NFIB: variants seen among roughly 807,000 people sequenced by gnomAD.
NFIB encodes the protein nuclear factor 1 B-type.
NFIB carries 11 observed loss-of-function variants against 61.5 expected under a neutral mutation model. The observed-to-expected ratio is 0.18, with a 90% CI of 0.11 to 0.30. The LOEUF (loss-of-function observed/expected upper bound fraction) is 0.30, where lower values mean the gene tolerates loss of function less well. NFIB is among the 10% of genes least tolerant of loss of function. The probability of loss-of-function intolerance (pLI) is 1.00; values close to 1 mark genes in which losing one functional copy is unlikely to be tolerated. For synonymous variants in NFIB, 260 were observed against 216.5 expected, an observed-to-expected ratio of 1.20 and a Z score of -1.76; for missense variants, 471 against 608.9, an observed-to-expected ratio of 0.77 and a Z score of 2.38.
chr9:14,100,620 A>G (rs924119791), intron 10 of NFIB, among the ~76,000 whole-genome samples: 7 of 152,166 alleles, frequency 4.6e-5, no homozygotes, highest in Non-Finnish European at 8.8e-5. Flanking sequence ...TGAGGCAGGC[A>G]GGAGAATGGC....
At chr9:14,469,021 G>C in the NFIB span, among the ~76,000 whole-genome samples, 1 of 152,148 alleles carries the variant, frequency 6.6e-6, no homozygotes, top group Non-Finnish European at 1.5e-5. Context: ...GGGACAGGCA[G>C]GCAGGCACAA....
At chr9:14,119,415 G>C (rs544773143) in intron 8 of NFIB, among the ~76,000 whole-genome samples, 1 of 152,014 alleles carries the variant, frequency 6.6e-6, no homozygotes, top group South Asian at 2.1e-4. Context: ...TAACCCAAAG[G>C]GTCCTGGATG....
At chr9:14,465,754 C>G in the NFIB span, among the ~76,000 whole-genome samples, 1 of 152,128 alleles carries the variant, frequency 6.6e-6, no homozygotes, top group Non-Finnish European at 1.5e-5. Flanking sequence ...TTCTGCCACT[C>G]TACTGCAGGG....
intron 1 of NFIB, among the ~76,000 whole-genome samples, chr9:14,367,766 G>A (rs10961488): frequency 0.018 from 2,732 of 152,168 alleles, 95 homozygotes; most frequent in African/African-American, 0.062. Flanking sequence ...ATTCTCAGCA[G>A]ACTAACACAG....
At chr9:14,133,898 G>A (rs1377198696) in intron 6 of NFIB, among the ~76,000 whole-genome samples, 1 of 149,254 alleles carries the variant, frequency 6.7e-6, no homozygotes, top group African/African-American at 2.5e-5. Flanking sequence ...ACTGATGATG[G>A]GTGAGGGTGT....
At position 14,313,950 on chromosome 9, in the gene NFIB, AG is replaced by A. The variant is rs2060413841; in HGVS notation, c.-440del. On this transcript the variant is annotated 5_prime_UTR_variant, in exon 1 of 11. Transcript: ENST00000380953. The surrounding 1 kb of genome is among the most constrained non-coding windows in gnomAD (Gnocchi z 4.5). ...AAATGCTTTTTCAAAAAAGGCGGGG[AG>A]GGGGGCGCGGGAGGGCGCAGGAGGG... 5.3e-6 allele frequency: 4 copies of A among 759,180 alleles called. No homozygotes were observed. Among genetic ancestry groups the A allele is most frequent in the Non-Finnish European group, 5.8e-6 (4 of 691,672 alleles). The allele number at this position is 759,180 out of a possible 1,614,324, so 47.0% of individuals were successfully genotyped here. A position where few individuals can be genotyped will look rare whatever the true frequency, so the allele number is the denominator to read the frequency against.
chr9:14,223,292 G>C (rs1254954505), intron 2 of NFIB, among the ~76,000 whole-genome samples: 1 of 152,136 alleles, frequency 6.6e-6, no homozygotes, highest in African/African-American at 2.4e-5. Context: ...GCAGGTCACT[G>C]AGCTGATCTA....
chr9:14,398,898 T>C (rs958721366), exon 1 of NFIB: 2 of 357,336 alleles, frequency 5.6e-6, no homozygotes, highest in African/African-American at 4.2e-5. Context: ...CATGTGAATC[T>C]TTTAGATCGG....
the NFIB span, among the ~76,000 whole-genome samples, chr9:14,473,550 C>G: frequency 1.8e-4 from 28 of 152,302 alleles, 1 homozygote; most frequent in African/African-American, 6.7e-4. Context: ...TGTTGCTTCT[C>G]AAGCTTCCTC....
intron 1 of NFIB, among the ~76,000 whole-genome samples, chr9:14,308,325 A>AACAC (rs71321976): frequency 0.032 from 4,766 of 150,912 alleles, 212 homozygotes; most frequent in African/African-American, 0.098. Flanking sequence ...GCCAGCTCCC[A>AACAC]ACACACACAC....
At chr9:14,516,174 A>G in the NFIB span, among the ~76,000 whole-genome samples, 1 of 152,224 alleles carries the variant, frequency 6.6e-6, no homozygotes, top group Non-Finnish European at 1.5e-5. Flanking sequence ...CCTGTAACCA[A>G]TTCCACAAAT....
At chr9:14,103,572 G>A (rs2036088091) in intron 10 of NFIB, among the ~76,000 whole-genome samples, 1 of 152,058 alleles carries the variant, frequency 6.6e-6, no homozygotes, top group East Asian at 1.9e-4. Context: ...ATAATGTTGT[G>A]GCCAAAGAAA....
chr9:14,221,072 A>T (rs2051608732), intron 2 of NFIB, among the ~76,000 whole-genome samples: 1 of 152,108 alleles, frequency 6.6e-6, no homozygotes, highest in Non-Finnish European at 1.5e-5. Flanking sequence ...CCAAATGTTG[A>T]CATACCAGGA....
intron 1 of NFIB, among the ~76,000 whole-genome samples, chr9:14,311,537 T>A (rs1008017407): frequency 1.7e-4 from 24 of 139,944 alleles, no homozygotes; most frequent in African/African-American, 5.9e-4. Flanking sequence ...AGAATATTAG[T>A]CATCACAAGT....
At chr9:14,261,772 C>T (rs760284429) in intron 2 of NFIB, among the ~76,000 whole-genome samples, 1 of 152,164 alleles carries the variant, frequency 6.6e-6, no homozygotes, top group Non-Finnish European at 1.5e-5. Context: ...TGGTTTGTGA[C>T]AAATGTCTGT....
At position 14,082,915 on chromosome 9, in the gene NFIB, C is replaced by T. The variant is rs1317907931; in HGVS notation, c.*5394G>A. The T allele has an allele frequency of 4.8e-6, 1 of 208,496 alleles. No homozygotes were observed. Among genetic ancestry groups the T allele is most frequent in the African/African-American group, 2.3e-5 (1 of 43,884 alleles). 12.9% of individuals were successfully genotyped at this position (208,496 alleles called of 1,614,324 possible). On this transcript the variant is annotated 3_prime_UTR_variant, in exon 11 of 11. Coordinates refer to ENST00000380953, the MANE Select transcript of NFIB (RefSeq NM_001190737.2). Reference sequence around the variant, plus strand: ...GCTTTAGTGTCACTAGCTTACACTGCTTTTCATGTATTTAGGCCACCTGTT... The same window carrying T: ...GCTTTAGTGTCACTAGCTTACACTGTTTTTCATGTATTTAGGCCACCTGTT...
At chr9:14,122,982 C>G (rs1252278988) in intron 7 of NFIB, among the ~76,000 whole-genome samples, 2 of 152,094 alleles carry the variant, frequency 1.3e-5, no homozygotes. Context: ...GGCATGGTGG[C>G]TCACGGCTGT....
upstream of NFIB, among the ~76,000 whole-genome samples, chr9:14,318,505 C>CTTTTTTTTTTT (rs34481505): frequency 7.2e-4 from 48 of 66,848 alleles, no homozygotes; most frequent in Admixed American, 1.4e-3. Context: ...CACTCGATGC[C>CTTTTTTTTTTT]TTTTTTTTTT....
intron 2 of NFIB, among the ~76,000 whole-genome samples, chr9:14,224,962 TCC>T (rs1220231233): frequency 6.6e-6 from 1 of 152,186 alleles, no homozygotes; most frequent in Non-Finnish European, 1.5e-5. Context: ...TTAGCGAATT[TCC>T]AGTATACATT....
Sources: allele counts gnomAD v4.1 joint callset (sites outside exome capture counted in the v4.1 genomes callset), GRCh38; gene constraint gnomAD v4.1.1; non-coding constraint Gnocchi (gnomAD v3.1); transcripts MANE v1.5; gene names NCBI Gene and HGNC (gene_info 2026-07-23, HGNC 2026-07-21).